Variants in ROBO2 observed in about 807,000 individuals in gnomAD.
ROBO2 encodes the protein roundabout guidance receptor 2, also known as roundabout homolog 2.
In ROBO2, 53 loss-of-function variants were observed where a neutral mutation model predicts 160.8. That is an observed-to-expected ratio of 0.33 (90% CI 0.26 to 0.41). ROBO2 has a LOEUF of 0.41. Ranked by LOEUF, ROBO2 falls within the 10% of genes least tolerant of loss-of-function variation. The pLI, the probability that ROBO2 is intolerant of heterozygous loss-of-function variation, is 1.00. For missense variants in ROBO2, 1,577 were observed against 1,722.4 expected (o/e 0.92, Z 1.49); for synonymous variants, 664 against 611.7 (o/e 1.09, Z -1.26).
chr3:76,833,944 TTTTTC>T (rs1331521124), intron 2 of ROBO2, among the ~76,000 whole-genome samples: 1 of 151,882 alleles, frequency 6.6e-6, no homozygotes, highest in Non-Finnish European at 1.5e-5. Context: ...CTTCCTTCTT[TTTTTC>T]TTTTCTTCCT....
chr3:76,605,077 T>C (rs2087537466), intron 2 of ROBO2, among the ~76,000 whole-genome samples: 1 of 152,148 alleles, frequency 6.6e-6, no homozygotes, highest in African/African-American at 2.4e-5. Flanking sequence ...ACAAATTACA[T>C]TGCAAGCTTG....
At chr3:76,363,213 G>GCA (rs796197998) in intron 2 of ROBO2, among the ~76,000 whole-genome samples, 45 of 150,526 alleles carry the variant, frequency 3.0e-4, no homozygotes, top group African/African-American at 8.8e-4. Context: ...ACACACACAG[G>GCA]CACACACACA....
At chr3:77,330,192 T>G (rs1170044290) in intron 2 of ROBO2, among the ~76,000 whole-genome samples, 2 of 152,200 alleles carry the variant, frequency 1.3e-5, no homozygotes, top group Non-Finnish European at 2.9e-5. Context: ...GCTTTATGAT[T>G]AATAATCTTT....
At chr3:76,778,631 T>A (rs1279667046) in intron 2 of ROBO2, among the ~76,000 whole-genome samples, 2 of 151,142 alleles carry the variant, frequency 1.3e-5, no homozygotes, top group African/African-American at 4.8e-5. Context: ...CATTGATATT[T>A]GGGGATCTTT....
At chr3:76,381,051 A>G (rs1455427144) in intron 2 of ROBO2, among the ~76,000 whole-genome samples, 1 of 150,788 alleles carries the variant, frequency 6.6e-6, no homozygotes, top group Non-Finnish European at 1.5e-5. Flanking sequence ...AAAAAAAAAA[A>G]GCAGATAAAT....
chr3:77,476,368 ATGTGTGTG>A (rs60219148), intron 2 of ROBO2, among the ~76,000 whole-genome samples: 101 of 144,220 alleles, frequency 7.0e-4, no homozygotes, highest in African/African-American at 2.0e-3. Flanking sequence ...GTCTGTGGGT[ATGTGTGTG>A]TGTGTGTGTG....
At position 76,075,797 on chromosome 3, in the gene ROBO2, A is replaced by G. The variant is rs550402792; in HGVS notation, c.109+138195A>G. On this transcript the variant is annotated intron_variant, in intron 2 of 26. Coordinates refer to the ROBO2 transcript ENST00000487694. ...TAGTGCCAGGAAATTTGTATCCAAC[A>G]TTATATTCAAGCCTGTCAATAACAC... Among the ~76,000 whole-genome samples, 20 of 152,338 alleles carry G rather than the reference A, an allele frequency of 1.3e-4. No homozygotes were observed. In the East Asian group the frequency reaches 1.9e-3, roughly 15 times the overall value.
At chr3:77,059,734 C>T (rs1195022105) in intron 1 of ROBO2, among the ~76,000 whole-genome samples, 1 of 152,118 alleles carries the variant, frequency 6.6e-6, no homozygotes, top group Admixed American at 6.6e-5. Context: ...AAAGTTTGGG[C>T]ATAAGCATCA....
chr3:76,133,406 CTAA>C (rs1185807382), intron 2 of ROBO2, among the ~76,000 whole-genome samples: 4 of 151,824 alleles, frequency 2.6e-5, no homozygotes, highest in Non-Finnish European at 4.4e-5. Context: ...TCTCTAGAGA[CTAA>C]TACATGTATT....
At chr3:77,557,026 A>G (rs1424244511) in intron 8 of ROBO2, among the ~76,000 whole-genome samples, 1 of 151,830 alleles carries the variant, frequency 6.6e-6, no homozygotes, top group African/African-American at 2.4e-5. Flanking sequence ...TATTTTTCTT[A>G]ACCATGTAAA....
chr3:76,935,202 C>T (rs189738958), intron 2 of ROBO2, among the ~76,000 whole-genome samples: 12 of 152,286 alleles, frequency 7.9e-5, no homozygotes, highest in Non-Finnish European at 2.9e-5. Flanking sequence ...ATCCACCCAC[C>T]TCTGCCTCCC....
At chr3:77,639,521 A>G (rs554680183) in intron 24 of ROBO2, among the ~76,000 whole-genome samples, 1 of 152,330 alleles carries the variant, frequency 6.6e-6, no homozygotes, top group South Asian at 2.1e-4. Flanking sequence ...AACATAAGCA[A>G]AAAAGTAATG....
chr3:77,586,629 C>T (rs2153682136), intron 16 of ROBO2, among the ~76,000 whole-genome samples: 1 of 152,012 alleles, frequency 6.6e-6, no homozygotes, highest in Non-Finnish European at 1.5e-5. Context: ...CCTTGAGTAA[C>T]ATAAATATTG....
intron 2 of ROBO2, among the ~76,000 whole-genome samples, chr3:76,083,871 A>G (rs1363691509): frequency 1.3e-5 from 2 of 152,186 alleles, no homozygotes; most frequent in Admixed American, 6.6e-5. Context: ...CTCAACGATG[A>G]TGGCAATATG....
chr3:76,967,620 C>T (rs528387628), intron 2 of ROBO2, among the ~76,000 whole-genome samples: 126 of 143,748 alleles, frequency 8.8e-4, no homozygotes, highest in Non-Finnish European at 1.4e-3. Flanking sequence ...CTTCTAAACT[C>T]AAGGGATCCT....
chr3:77,593,793 A>G (rs971707123), intron 17 of ROBO2, among the ~76,000 whole-genome samples: 4 of 152,142 alleles, frequency 2.6e-5, no homozygotes, highest in Admixed American at 2.0e-4. Context: ...CAAAGTAAGA[A>G]GTATTCACTA....
chr3:75,976,353 G>T (rs988736348), intron 2 of ROBO2, among the ~76,000 whole-genome samples: 22 of 151,538 alleles, frequency 1.5e-4, no homozygotes, highest in Admixed American at 1.1e-3. Context: ...TTCATGCAAT[G>T]TAATACTATT....
At chr3:76,855,711 T>A (rs2069983960) in intron 2 of ROBO2, among the ~76,000 whole-genome samples, 1 of 152,250 alleles carries the variant, frequency 6.6e-6, no homozygotes. Flanking sequence ...TGCAGTAGTT[T>A]GACATTTTTA....
chr3:76,672,899 T>A (rs115761100), intron 2 of ROBO2, among the ~76,000 whole-genome samples: 1 of 152,188 alleles, frequency 6.6e-6, no homozygotes, highest in Non-Finnish European at 1.5e-5. Context: ...TTTTCTAATG[T>A]GTTATATTTT....
Sources: allele counts gnomAD v4.1 joint callset (sites outside exome capture counted in the v4.1 genomes callset), GRCh38; gene constraint gnomAD v4.1.1; transcripts MANE v1.5; gene names NCBI Gene and HGNC (gene_info 2026-07-23, HGNC 2026-07-21).